Variants in CEP89 observed in about 807,000 individuals in gnomAD.
The protein encoded by CEP89 is centrosomal protein of 89 kDa.
CEP89 carries 95 observed loss-of-function variants against 97.6 expected under a neutral mutation model. That is an observed-to-expected ratio of 0.97 (90% CI 0.82 to 1.15). The LOEUF (loss-of-function observed/expected upper bound fraction) is 1.15. CEP89 is among the 50% of genes most tolerant of loss of function. CEP89 has a pLI of 0.00. For missense variants in CEP89, 869 were observed against 947.7 expected, an observed-to-expected ratio of 0.92 and a Z score of 1.09; for synonymous variants, 354 against 349.1, an observed-to-expected ratio of 1.01 and a Z score of -0.16.
At position 32,913,312 on chromosome 19, in the gene CEP89, TGTTGTTGTTGTTGTTG is replaced by T. The variant is rs1970051101; in HGVS notation, c.1565+2009_1565+2024del. Among the ~76,000 whole-genome samples, 7 of 64,114 alleles carry T rather than the reference TGTTGTTGTTGTTGTTG, an allele frequency of 1.1e-4. No individual in the cohort carries two copies. In the South Asian group the frequency reaches 1.8e-3, roughly 17 times the overall value. The allele number at this position is 64,114 out of a possible 152,430, so 42.1% of individuals were successfully genotyped here. A position where few individuals can be genotyped will look rare whatever the true frequency, so the allele number is the denominator to read the frequency against. Reference sequence around the variant, plus strand: ...CCATATATATATATATATATTTTTTTGTTGTTGTTGTTGTTGTTGTTGTTGTTGTTTCACAATGTTG... The same window carrying T: ...CCATATATATATATATATATTTTTTTTTGTTGTTGTTGTTTCACAATGTTG... On this transcript the variant is annotated intron_variant, in intron 14 of 18. Transcript: ENST00000305768.
chr19:32,939,928 A>G (rs1289400218), intron 5 of CEP89, 43 bp from the exon 6 acceptor site: 4 of 936,916 alleles, frequency 4.3e-6, no homozygotes, highest in African/African-American at 1.7e-5. Context: ...TAAAGTAGAT[A>G]ATGAAATATG....
Position 32,915,483 on chromosome 19 carries a change from C to T in CEP89, c.1419G>A (p.Glu473=). ...CCTTTTCCTGGCCGTGGGTTTTTGC[C>T]TCCAGGAGCATTAGTTGTTTAGTCA... The part of the protein sequence containing the change: ...SKLTKQLMLL[E]AKTHGQEKEL... Residue 473 remains glutamate (E), a synonymous_variant, in exon 14 of 19, where the codon GAG becomes GAA. Coordinates refer to ENST00000305768, the MANE Select transcript of CEP89 (RefSeq NM_032816.5). The T allele has an allele frequency of 6.2e-7, 1 of 1,611,920 alleles. No homozygotes were observed. The highest frequency in any genetic ancestry group is 8.5e-7 in the Non-Finnish European group (1 of 1,179,576).
Position 32,876,553 on chromosome 19 carries a change from C to A in CEP89, c.*2609G>T. 1 of 154,166 alleles carries A rather than the reference C, an allele frequency of 6.5e-6. No homozygotes were observed. The highest frequency in any genetic ancestry group is 1.4e-5 in the Non-Finnish European group (1 of 69,584). The allele number at this position is 154,166 out of a possible 1,614,324, so 9.5% of individuals were successfully genotyped here. A position where few individuals can be genotyped will look rare whatever the true frequency, so the allele number is the denominator to read the frequency against. ...AGTGCCTGCTGTGCTCCTGGGGGCC[C>A]TCTCCACCCTTCTGTAGCTCCTGAA... On this transcript the variant is annotated 3_prime_UTR_variant, in exon 19 of 19. Transcript: ENST00000305768.
At chr19:32,952,903 C>CAAAAAAAAAAAA (rs34455504) in intron 4 of CEP89, among the ~76,000 whole-genome samples, 12 of 48,378 alleles carry the variant, frequency 2.5e-4, no homozygotes, top group South Asian at 9.0e-4. Context: ...GACTCTGTCT[C>CAAAAAAAAAAAA]AAAAAAAAAA....
At chr19:32,888,048 C>T (rs1288035514) in intron 16 of CEP89, among the ~76,000 whole-genome samples, 3 of 152,194 alleles carry the variant, frequency 2.0e-5, no homozygotes, top group Admixed American at 2.0e-4. Flanking sequence ...GTGGGGTGCC[C>T]TGCTCGACAC....
intron 15 of CEP89, among the ~76,000 whole-genome samples, chr19:32,900,617 C>T (rs1295493317): frequency 6.6e-6 from 1 of 151,750 alleles, no homozygotes; most frequent in Non-Finnish European, 1.5e-5. Flanking sequence ...TTCTAAAAGG[C>T]ACTTTCGAAA....
chr19:32,937,625 A>C lies in CEP89; in HGVS notation c.667+6T>G. On this transcript the variant is annotated splice_donor_region_variant and intron_variant, in intron 7 of 18. Coordinates refer to ENST00000305768, the MANE Select transcript of CEP89 (RefSeq NM_032816.5). ...TCAATCATAATATAATTCAAAAGGCAAATACCTGGGGAGGGTGGAGGTTTC... is the reference window on the plus strand; with the variant it reads ...TCAATCATAATATAATTCAAAAGGCCAATACCTGGGGAGGGTGGAGGTTTC... 6.3e-7 allele frequency: 1 copy of C among 1,592,880 alleles called. No homozygotes were observed. Among genetic ancestry groups the C allele is most frequent in the Non-Finnish European group, 8.6e-7 (1 of 1,161,846 alleles).
chr19:32,899,893 T>G lies in CEP89; in HGVS notation c.1839A>C (p.Glu613Asp), dbSNP rs1369500868. The change falls in exon 16 of 19, where the codon GAA becomes GAC. Residue 613 changes from glutamate (E) to aspartate (D), a missense_variant. By Grantham distance (45) the Glu-to-Asp change is conservative. Transcript: ENST00000305768. ...GACTGTCACGTTCCTGGGTTATGTT[T>G]TCTGCCAGGCCAACAAGGTTTGCCA... Reference protein sequence around the residue: ...QYLANLVGLAENITQERDSLM... With the variant: ...QYLANLVGLADNITQERDSLM... The G allele has an allele frequency of 6.2e-7, 1 of 1,614,050 alleles. No individual in the cohort carries two copies. The highest frequency in any genetic ancestry group is 8.5e-7 in the Non-Finnish European group (1 of 1,179,928).
chr19:32,912,050 A>C (rs997565656), intron 14 of CEP89, among the ~76,000 whole-genome samples: 2 of 151,872 alleles, frequency 1.3e-5, no homozygotes, highest in African/African-American at 4.8e-5. Context: ...AACAAAATAC[A>C]AAACTAGCCG....
intron 16 of CEP89, among the ~76,000 whole-genome samples, chr19:32,892,659 T>TA (rs1456944691): frequency 2.9e-5 from 4 of 139,070 alleles, no homozygotes; most frequent in African/African-American, 1.1e-4. Context: ...TGAGACGATA[T>TA]ATTCAAAGGG....
At chr19:32,970,224 C>G (rs1971370116) in intron 1 of CEP89, 1 of 152,310 alleles carries the variant, frequency 6.6e-6, no homozygotes, top group African/African-American at 2.4e-5. Context: ...TTCTGGTACA[C>G]ACATCAACAG....
intron 3 of CEP89, among the ~76,000 whole-genome samples, chr19:32,959,334 A>G (rs1010557973): frequency 1.3e-5 from 2 of 152,204 alleles, no homozygotes; most frequent in Non-Finnish European, 2.9e-5. Flanking sequence ...CTGTTCCTAG[A>G]TGATTCCTGT....
At chr19:32,960,105 A>G in intron 2 of CEP89, 47 bp from the exon 3 acceptor site, 1 of 1,603,904 alleles carries the variant, frequency 6.2e-7, no homozygotes, top group African/African-American at 1.3e-5. Flanking sequence ...TGAACATTCC[A>G]GGTGAATGCT....
chr19:32,902,010 C>CTCTGTGTGTGTGTGTGTGTGTGTGTGTG (rs1207481256), intron 14 of CEP89, among the ~76,000 whole-genome samples: 1 of 133,728 alleles, frequency 7.5e-6, no homozygotes, highest in Non-Finnish European at 1.6e-5. Context: ...CTCTCTCTCT[C>CTCTGTGTGTGTGTGTGTGTGTGTGTGTG]TGTGTGTGTG....
chr19:32,923,380 A>T, intron 12 of CEP89, 59 bp downstream of exon 12: 1 of 817,048 alleles, frequency 1.2e-6, no homozygotes, highest in Non-Finnish European at 2.0e-6. Flanking sequence ...TTTATAACAT[A>T]TTTTCCTGTT....
At position 32,884,652 on chromosome 19, in the gene CEP89, T is replaced by C. The variant is rs150659712; in HGVS notation, c.1966-2639A>G. On this transcript the variant is annotated intron_variant, in intron 17 of 18. Transcript: ENST00000305768. Reference sequence around the variant, plus strand: ...TGGAGTGCAGTGGTGTGATCATAGCTCACTACAGCTTTAAACTCCTGGGCT... The same window carrying C: ...TGGAGTGCAGTGGTGTGATCATAGCCCACTACAGCTTTAAACTCCTGGGCT... 7.6e-3 allele frequency among the ~76,000 whole-genome samples: 1,157 copies of C among 152,304 alleles called. 8 individuals are homozygous for C. Among genetic ancestry groups the C allele is most frequent in the Middle Eastern group, 0.017 (5 of 294 alleles).
chr19:32,902,008 C>CTG (rs1265424963), intron 14 of CEP89, among the ~76,000 whole-genome samples: 2 of 99,600 alleles, frequency 2.0e-5, no homozygotes, highest in African/African-American at 9.4e-5. Context: ...CTCTCTCTCT[C>CTG]TCTGTGTGTG....
intron 14 of CEP89, among the ~76,000 whole-genome samples, chr19:32,905,492 T>C (rs1284267923): frequency 3.9e-5 from 1 of 25,524 alleles, no homozygotes; most frequent in African/African-American, 1.3e-4. Context: ...CAAAGGAAGA[T>C]TTTTTTTTTT....
At chr19:32,928,615 C>G (rs960614387) in intron 9 of CEP89, among the ~76,000 whole-genome samples, 2 of 152,182 alleles carry the variant, frequency 1.3e-5, no homozygotes, top group Non-Finnish European at 2.9e-5. Flanking sequence ...AACCATGCAG[C>G]TCACAGCTCC....
Sources: gnomAD v4.1 joint callset for allele counts (sites outside exome capture counted in the v4.1 genomes callset) on GRCh38, gnomAD v4.1.1 for gene constraint, MANE v1.5 for transcripts, NCBI Gene and HGNC (gene_info 2026-07-23, HGNC 2026-07-21) for gene names.